NELL1: variants seen among roughly 807,000 people sequenced by gnomAD.
NELL1 encodes the protein protein kinase C-binding protein NELL1.
Under a neutral mutation model 107.4 loss-of-function variants are expected in NELL1, and 76 were observed. The ratio of observed to expected loss-of-function variants is 0.71; its 90% confidence interval spans 0.59 to 0.86. The LOEUF (loss-of-function observed/expected upper bound fraction) is 0.86, where lower values mean the gene tolerates loss of function less well. Among genes scored for constraint, NELL1 ranks in the 40% least tolerant of loss-of-function variants. The pLI is 0.00. For synonymous variants in NELL1, 353 were observed against 341.2 expected (o/e 1.03, Z -0.38); for missense variants, 1,024 against 1,005.5 (o/e 1.02, Z -0.25).
chr11:20,769,646 A>T (rs1856602531), intron 2 of NELL1: 1 of 152,386 alleles, frequency 6.6e-6, no homozygotes, highest in South Asian at 2.1e-4. Context: ...CTGGGGTGCT[A>T]GAACTTCATG....
In NELL1 at chr11:20,754,258, G is replaced by C. The variant is rs76702077; in HGVS notation, c.185-29422G>C. 5.3e-5 allele frequency among the ~76,000 whole-genome samples: 8 copies of C among 152,274 alleles called. No homozygotes were observed. In the South Asian group the frequency reaches 1.5e-3, roughly 28 times the overall value. On this transcript the variant is annotated intron_variant, in intron 2 of 19. Coordinates refer to ENST00000357134, the MANE Select transcript of NELL1 (RefSeq NM_006157.5). ...AGACAAGTTGACTTTGATTTCAGTA[G>C]GGCCTTTAACAGTGTCTCAGAAATA...
At chr11:20,731,205 G>A (rs1855631240) in intron 2 of NELL1, among the ~76,000 whole-genome samples, 1 of 152,286 alleles carries the variant, frequency 6.6e-6, no homozygotes, top group East Asian at 1.9e-4. Flanking sequence ...CTTATATGGG[G>A]CACCCAGGGC....
intron 7 of NELL1, among the ~76,000 whole-genome samples, chr11:20,924,216 G>A (rs1432910498): frequency 1.3e-5 from 2 of 152,192 alleles, no homozygotes; most frequent in Non-Finnish European, 2.9e-5. Flanking sequence ...TTGATTCACA[G>A]TTGTTTGTCT....
intron 12 of NELL1, among the ~76,000 whole-genome samples, chr11:21,054,281 G>C (rs1346684582): frequency 6.6e-6 from 1 of 151,882 alleles, no homozygotes; most frequent in Non-Finnish European, 1.5e-5. Context: ...TTTTCAAATA[G>C]TAATAATATA....
At chr11:21,057,321 C>G (rs1362337577) in intron 12 of NELL1, among the ~76,000 whole-genome samples, 1 of 151,960 alleles carries the variant, frequency 6.6e-6, no homozygotes, top group Non-Finnish European at 1.5e-5. Flanking sequence ...ATCACACCAG[C>G]AGGAAAAAGG....
At chr11:21,386,623 C>G (rs1851752406) in intron 15 of NELL1, among the ~76,000 whole-genome samples, 1 of 151,860 alleles carries the variant, frequency 6.6e-6, no homozygotes, top group South Asian at 2.1e-4. Context: ...ACTTTTAAAT[C>G]TACTGTCAGC....
intron 12 of NELL1, among the ~76,000 whole-genome samples, chr11:21,055,642 G>T (rs1032709793): frequency 2.6e-5 from 4 of 151,930 alleles, no homozygotes; most frequent in African/African-American, 9.7e-5. Flanking sequence ...ATTGACCGAC[G>T]GTTTTATTTT....
At chr11:20,711,739 T>C (rs1318540670) in intron 2 of NELL1, among the ~76,000 whole-genome samples, 1 of 152,184 alleles carries the variant, frequency 6.6e-6, no homozygotes, top group Admixed American at 6.5e-5. Flanking sequence ...AAGTTTCTGC[T>C]AAGAAATCAG....
chr11:20,804,365 A>G (rs1857339119), intron 3 of NELL1, among the ~76,000 whole-genome samples: 1 of 152,112 alleles, frequency 6.6e-6, no homozygotes, highest in Non-Finnish European at 1.5e-5. Context: ...CCTCTCAAGT[A>G]GCTGAGACTA....
chr11:20,827,892 T>C (rs1264414640), intron 3 of NELL1, among the ~76,000 whole-genome samples: 1 of 151,336 alleles, frequency 6.6e-6, no homozygotes, highest in African/African-American at 2.4e-5. Context: ...TCTGTTGTGA[T>C]GGGCACCATA....
intron 8 of NELL1, 125 bp from the exon 9 acceptor site, chr11:20,928,252 C>G (rs969138517): frequency 7.0e-6 from 6 of 858,508 alleles, no homozygotes; most frequent in African/African-American, 1.7e-5. Flanking sequence ...CTGGAGTGGA[C>G]TGGGAATTCG....
At chr11:21,273,490 T>C (rs1434471514) in intron 14 of NELL1, among the ~76,000 whole-genome samples, 7 of 152,166 alleles carry the variant, frequency 4.6e-5, no homozygotes, top group Admixed American at 4.6e-4. Context: ...CAGGGTATTA[T>C]CCAGGAGAAC....
chr11:21,226,832 A>C (rs1380902674), intron 13 of NELL1, among the ~76,000 whole-genome samples: 2 of 152,196 alleles, frequency 1.3e-5, no homozygotes, highest in Non-Finnish European at 1.5e-5. Context: ...ACATGGTAAG[A>C]GTATGGGTTT....
chr11:20,893,913 G>A (rs2134119876), intron 5 of NELL1, among the ~76,000 whole-genome samples: 1 of 149,580 alleles, frequency 6.7e-6, no homozygotes, highest in East Asian at 2.0e-4. Context: ...TGGAGAAACT[G>A]CTGATTTCAA....
chr11:20,942,722 C>G (rs1057470903), intron 10 of NELL1, among the ~76,000 whole-genome samples: 2 of 152,160 alleles, frequency 1.3e-5, no homozygotes, highest in African/African-American at 4.8e-5. Context: ...GAAGGGAAAA[C>G]AGTTGGATTC....
Position 21,404,008 on chromosome 11 carries a change from C to A in NELL1, c.1645+33060C>A, listed in dbSNP as rs933726412. ...AAAATATCTCTGTCATTCCTGAACC[C>A]CCCCCCCCGCAATCAAAACCACTGG... On this transcript the variant is annotated intron_variant, in intron 15 of 19. Transcript: ENST00000357134. Among the ~76,000 whole-genome samples, 111 of 99,650 alleles carry A rather than the reference C, an allele frequency of 1.1e-3. 1 individual carries two copies. In the East Asian group the frequency reaches 0.032, roughly 29 times the overall value. The allele number at this position is 99,650 out of a possible 152,430, so 65.4% of individuals were successfully genotyped here.
chr11:20,946,925 A>G (rs1333533195), intron 10 of NELL1, among the ~76,000 whole-genome samples: 2 of 152,218 alleles, frequency 1.3e-5, no homozygotes, highest in African/African-American at 4.8e-5. Context: ...TCAATTATAC[A>G]TAACTTCTGA....
chr11:20,995,283 T>TA (rs951734418), intron 12 of NELL1, among the ~76,000 whole-genome samples: 2 of 151,982 alleles, frequency 1.3e-5, no homozygotes, highest in African/African-American at 2.4e-5. Context: ...GAAGAAGCAA[T>TA]AAAAAAATCA....
chr11:21,374,827 C>T (rs775738179), intron 15 of NELL1, among the ~76,000 whole-genome samples: 4 of 151,426 alleles, frequency 2.6e-5, no homozygotes, highest in Non-Finnish European at 4.4e-5. Context: ...ACTTATCTGA[C>T]GTTGAACAGC....
Sources: gnomAD v4.1 joint callset for allele counts (sites outside exome capture counted in the v4.1 genomes callset) on GRCh38, gnomAD v4.1.1 for gene constraint, MANE v1.5 for transcripts, NCBI Gene and HGNC (gene_info 2026-07-23, HGNC 2026-07-21) for gene names.